EDIL3: variants seen among roughly 807,000 people sequenced by gnomAD.
EDIL3 encodes EGF like and discoidin domains 3, also known as EGF-like repeat and discoidin I-like domain-containing protein 3.
In EDIL3, 37 loss-of-function variants were observed where a neutral mutation model predicts 67.4. The ratio of observed to expected loss-of-function variants is 0.55; its 90% CI spans 0.42 to 0.72. The LOEUF is 0.72. EDIL3 is among the 30% of genes least tolerant of loss of function. EDIL3 has a pLI of 0.00. For synonymous variants in EDIL3, 195 were observed against 196.3 expected (o/e 0.99, Z 0.05); for missense variants, 527 against 586.3 (o/e 0.90, Z 1.04).
At chr5:83,999,413 G>A (rs1391093592) in intron 9 of EDIL3, among the ~76,000 whole-genome samples, 2 of 151,986 alleles carry the variant, frequency 1.3e-5, no homozygotes, top group Non-Finnish European at 2.9e-5. Context: ...ACATGAAGAA[G>A]GAATTCAGAA....
At chr5:83,972,808 C>A (rs1426873268) in intron 9 of EDIL3, among the ~76,000 whole-genome samples, 1 of 151,954 alleles carries the variant, frequency 6.6e-6, no homozygotes, top group East Asian at 1.9e-4. Context: ...ATATAATGTT[C>A]TTGTATTAAG....
chr5:84,340,953 T>C (rs1232624445), intron 1 of EDIL3, among the ~76,000 whole-genome samples: 3 of 151,944 alleles, frequency 2.0e-5, no homozygotes, highest in Non-Finnish European at 4.4e-5. Context: ...CACCACCGCA[T>C]CATCCCTGTT....
chr5:84,074,804 A>T (rs1001558324), intron 6 of EDIL3, among the ~76,000 whole-genome samples: 3 of 152,130 alleles, frequency 2.0e-5, no homozygotes, highest in African/African-American at 7.2e-5. Context: ...TTCCTCAGGG[A>T]TCTAGAACTA....
At chr5:84,326,504 G>A (rs1348010525) in intron 1 of EDIL3, among the ~76,000 whole-genome samples, 1 of 130,580 alleles carries the variant, frequency 7.7e-6, no homozygotes, top group Non-Finnish European at 1.8e-5. Flanking sequence ...ATACCACCAA[G>A]CCCTACACTT....
chr5:84,203,203 A>G (rs1211764477), intron 3 of EDIL3, among the ~76,000 whole-genome samples: 2 of 152,182 alleles, frequency 1.3e-5, no homozygotes, highest in Admixed American at 6.6e-5. Flanking sequence ...ATAACTTGAG[A>G]GGCAAAAGCT....
intron 9 of EDIL3, among the ~76,000 whole-genome samples, chr5:84,051,424 A>G (rs1291306924): frequency 6.6e-6 from 1 of 152,244 alleles, no homozygotes; most frequent in Non-Finnish European, 1.5e-5. Context: ...AAAGGAACGC[A>G]GCTCCTCACC....
At chr5:84,043,663 T>C (rs1179821121) in intron 9 of EDIL3, among the ~76,000 whole-genome samples, 1 of 152,166 alleles carries the variant, frequency 6.6e-6, no homozygotes, top group African/African-American at 2.4e-5. Context: ...CAGGATTAAG[T>C]CATGTAATGT....
At chr5:84,058,872 C>A (rs1456347815) in intron 9 of EDIL3, among the ~76,000 whole-genome samples, 1 of 152,126 alleles carries the variant, frequency 6.6e-6, no homozygotes, top group Non-Finnish European at 1.5e-5. Context: ...TTAGTAAGCA[C>A]TGCTACTTAT....
At chr5:84,182,315 G>A (rs1454603320) in intron 3 of EDIL3, among the ~76,000 whole-genome samples, 12 of 147,198 alleles carry the variant, frequency 8.2e-5, no homozygotes, top group Non-Finnish European at 1.8e-4. Context: ...ACAAATCCAG[G>A]CATGCTGGTG....
At chr5:84,239,447 T>G (rs1433728119) in intron 2 of EDIL3, among the ~76,000 whole-genome samples, 1 of 152,160 alleles carries the variant, frequency 6.6e-6, no homozygotes, top group Non-Finnish European at 1.5e-5. Flanking sequence ...CATCTTTTTT[T>G]TTTAATTATA....
Position 83,954,893 on chromosome 5 carries a change from G to C in EDIL3, c.1293+8312C>G, listed in dbSNP as rs570257536. 1.2e-4 allele frequency among the ~76,000 whole-genome samples: 18 copies of C among 151,770 alleles called. No individual in the cohort carries two copies. In the East Asian group the frequency reaches 2.9e-3, roughly 25 times the overall value. Reference sequence around the variant, plus strand: ...CAGCTAACATCTCCTGCTTTCATCAGGTTCATCACTACCTCTTAATGAATG... The same window carrying C: ...CAGCTAACATCTCCTGCTTTCATCACGTTCATCACTACCTCTTAATGAATG... On this transcript the variant is annotated intron_variant, in intron 10 of 10. Coordinates refer to ENST00000296591, the MANE Select transcript of EDIL3 (RefSeq NM_005711.5).
At chr5:84,293,614 CA>C (rs1745972318) in intron 1 of EDIL3, among the ~76,000 whole-genome samples, 1 of 151,886 alleles carries the variant, frequency 6.6e-6, no homozygotes, top group Non-Finnish European at 1.5e-5. Context: ...GGCAAATCTA[CA>C]GTATTTAGGG....
At position 84,175,861 on chromosome 5, in the gene EDIL3, G is replaced by T. The variant is rs141934363; in HGVS notation, c.355+4532C>A. 2.7e-3 allele frequency among the ~76,000 whole-genome samples: 417 copies of T among 152,182 alleles called. 3 individuals carry two copies. Among genetic ancestry groups the T allele is most frequent in the African/African-American group, 9.8e-3 (406 of 41,524 alleles). The stretch of plus-strand genomic sequence containing the variant: ...ATTCAGGCTACCAAGCAAAAATTCT[G>T]ATTCAACAGGGCTGAAGTGGGGCCA... On this transcript the variant is annotated intron_variant, in intron 4 of 10. Transcript: ENST00000296591.
At chr5:84,375,977 ATG>A (rs1414455101) in intron 1 of EDIL3, among the ~76,000 whole-genome samples, 1 of 152,182 alleles carries the variant, frequency 6.6e-6, no homozygotes, top group African/African-American at 2.4e-5. Flanking sequence ...GTTAGACATA[ATG>A]TGTGTTTTAC....
At chr5:84,168,503 C>T (rs372492095) in intron 4 of EDIL3, among the ~76,000 whole-genome samples, 1 of 152,110 alleles carries the variant, frequency 6.6e-6, no homozygotes, top group South Asian at 2.1e-4. Context: ...CTTAATGATG[C>T]TGTTGAAAGA....
At chr5:84,251,585 A>G (rs1745026755) in intron 2 of EDIL3, among the ~76,000 whole-genome samples, 1 of 152,162 alleles carries the variant, frequency 6.6e-6, no homozygotes, top group East Asian at 1.9e-4. Context: ...CACCTTTCAT[A>G]TGCAAGAAAA....
intron 5 of EDIL3, among the ~76,000 whole-genome samples, chr5:84,131,336 T>C (rs1487346216): frequency 1.3e-5 from 2 of 152,142 alleles, no homozygotes; most frequent in African/African-American, 4.8e-5. Context: ...TAGTTACAAA[T>C]AGAAAATGTT....
chr5:84,176,200 T>TATATATATATATATATATATATATATATA (rs1748904443), intron 4 of EDIL3, among the ~76,000 whole-genome samples: 1 of 4,742 alleles, frequency 2.1e-4, no homozygotes, highest in African/African-American at 1.0e-3. Context: ...ATATATATAA[T>TATATATATATATATATATATATATATATA]ATATATATAT....
chr5:84,091,475 C>A (rs1366615), intron 6 of EDIL3, among the ~76,000 whole-genome samples: 9,456 of 152,238 alleles, frequency 0.062, 813 homozygotes, highest in African/African-American at 0.19. Flanking sequence ...ACAACAAACT[C>A]CCTTAAATAG....
Sources: allele counts gnomAD v4.1 joint callset (sites outside exome capture counted in the v4.1 genomes callset), GRCh38; gene constraint gnomAD v4.1.1; transcripts MANE v1.5; gene names NCBI Gene and HGNC (gene_info 2026-07-23, HGNC 2026-07-21).